Variants in LRMDA observed in about 807,000 individuals in gnomAD.
LRMDA encodes the protein leucine-rich melanocyte differentiation-associated protein.
LRMDA carries 18 observed loss-of-function variants against 29.8 expected under a neutral mutation model. The observed-to-expected ratio is 0.60, with a 90% CI of 0.42 to 0.90. The LOEUF (loss-of-function observed/expected upper bound fraction) is 0.90. Ranked by LOEUF, LRMDA falls within the 40% of genes least tolerant of loss-of-function variation. LRMDA has a pLI of 0.00. For missense variants in LRMDA, 273 were observed against 273.9 expected, an observed-to-expected ratio of 1.00 and a Z score of 0.02; for synonymous variants, 125 against 109.4, an observed-to-expected ratio of 1.14 and a Z score of -0.89.
At chr10:76,392,247 A>G (rs1841731246) in intron 6 of LRMDA, among the ~76,000 whole-genome samples, 1 of 152,112 alleles carries the variant, frequency 6.6e-6, no homozygotes, top group African/African-American at 2.4e-5. Flanking sequence ...GAAAAGACAG[A>G]GTTGGAAGGC....
chr10:75,705,355 G>A (rs1414650958), intron 2 of LRMDA, among the ~76,000 whole-genome samples: 1 of 152,226 alleles, frequency 6.6e-6, no homozygotes, highest in African/African-American at 2.4e-5. Context: ...GGGCAGTTGG[G>A]TGAGGAAAGG....
intron 2 of LRMDA, among the ~76,000 whole-genome samples, chr10:75,587,545 G>C (rs1462568155): frequency 2.6e-5 from 4 of 152,150 alleles, no homozygotes; most frequent in African/African-American, 9.7e-5. Flanking sequence ...TTATAAAATG[G>C]ATAGACTAAA....
chr10:75,890,968 G>T (rs1845476681), intron 2 of LRMDA, among the ~76,000 whole-genome samples: 1 of 152,126 alleles, frequency 6.6e-6, no homozygotes, highest in South Asian at 2.1e-4. Flanking sequence ...GTTGGCCATG[G>T]TGGCATATGC....
At chr10:76,545,636 C>CTTT (rs1322925697) in intron 6 of LRMDA, among the ~76,000 whole-genome samples, 7 of 87,250 alleles carry the variant, frequency 8.0e-5, no homozygotes, top group South Asian at 3.9e-4. Context: ...CTGGAACAAC[C>CTTT]TTTTATTATT....
At chr10:76,434,722 AAG>A (rs1842227863) in intron 6 of LRMDA, among the ~76,000 whole-genome samples, 1 of 152,204 alleles carries the variant, frequency 6.6e-6, no homozygotes, top group African/African-American at 2.4e-5. Context: ...TCCATCTTCA[AAG>A]AGCTCACCAT....
intron 6 of LRMDA, among the ~76,000 whole-genome samples, chr10:76,377,777 A>G (rs559536636): frequency 5.3e-5 from 8 of 152,208 alleles, no homozygotes; most frequent in African/African-American, 1.9e-4. Flanking sequence ...TTTGGTTTCA[A>G]TTGTTTTGTA....
chr10:75,505,760 C>T (rs1372172372), intron 2 of LRMDA, among the ~76,000 whole-genome samples: 1 of 152,172 alleles, frequency 6.6e-6, no homozygotes, highest in Non-Finnish European at 1.5e-5. Flanking sequence ...ACTCCAGCTG[C>T]TCCTTTAGGT....
At chr10:75,519,687 G>A (rs1009978148) in intron 2 of LRMDA, among the ~76,000 whole-genome samples, 3 of 152,162 alleles carry the variant, frequency 2.0e-5, no homozygotes, top group African/African-American at 7.2e-5. Flanking sequence ...TACATTTAAG[G>A]TTAATATTGT....
intron 2 of LRMDA, among the ~76,000 whole-genome samples, chr10:76,001,201 G>A (rs1432363615): frequency 2.0e-5 from 3 of 152,124 alleles, no homozygotes; most frequent in East Asian, 3.9e-4. Context: ...GTCTGAGAAC[G>A]CAGGTCAGTC....
intron 2 of LRMDA, among the ~76,000 whole-genome samples, chr10:75,958,962 G>C (rs971344560): frequency 6.6e-6 from 1 of 152,108 alleles, no homozygotes; most frequent in Admixed American, 6.5e-5. Context: ...TTACTACCGC[G>C]AGAACAGTAT....
Position 75,819,471 on chromosome 10 carries a change from G to A in LRMDA, c.132-216537G>A, listed in dbSNP as rs146900380. Among the ~76,000 whole-genome samples, 9 of 152,232 alleles carry A rather than the reference G, an allele frequency of 5.9e-5. No homozygotes were observed. The East Asian group carries it at 1.7e-3, about 29-fold the overall frequency. On this transcript the variant is annotated intron_variant, in intron 2 of 6. Coordinates refer to ENST00000611255, the MANE Select transcript of LRMDA (RefSeq NM_001305581.2). ...AATGAAAATATTTCTTTTTGGTAGG[G>A]GAAATGCTTCTAGAGTTCAATTGCT...
intron 5 of LRMDA, among the ~76,000 whole-genome samples, chr10:76,133,792 T>C (rs1850043507): frequency 6.6e-6 from 1 of 151,968 alleles, no homozygotes; most frequent in Non-Finnish European, 1.5e-5. Flanking sequence ...TTATACATCT[T>C]ATCTCTGCCA....
chr10:75,449,208 A>G (rs1844431513), intron 2 of LRMDA, among the ~76,000 whole-genome samples: 1 of 151,974 alleles, frequency 6.6e-6, no homozygotes, highest in Non-Finnish European at 1.5e-5. Context: ...ATTATCAAGT[A>G]TACACTACAT....
At chr10:75,682,434 G>T (rs915823374) in intron 2 of LRMDA, among the ~76,000 whole-genome samples, 2 of 150,050 alleles carry the variant, frequency 1.3e-5, no homozygotes, top group Admixed American at 6.6e-5. Flanking sequence ...TGTGTGTGGG[G>T]GTGTGTGTGT....
At chr10:76,322,357 A>C (rs1039810825) in intron 5 of LRMDA, among the ~76,000 whole-genome samples, 1 of 152,184 alleles carries the variant, frequency 6.6e-6, no homozygotes, top group Non-Finnish European at 1.5e-5. Flanking sequence ...TTGTTTTCCT[A>C]AACATCCAGC....
intron 2 of LRMDA, among the ~76,000 whole-genome samples, chr10:75,499,711 GAC>G (rs1245585118): frequency 1.3e-5 from 2 of 152,202 alleles, no homozygotes; most frequent in Non-Finnish European, 2.9e-5. Context: ...AGCCTCCTCT[GAC>G]ACAGTGTGTG....
At chr10:76,028,987 T>C (rs1189011937) in intron 2 of LRMDA, among the ~76,000 whole-genome samples, 2 of 152,270 alleles carry the variant, frequency 1.3e-5, no homozygotes, top group African/African-American at 4.8e-5. Flanking sequence ...CAGCTAATTT[T>C]TGTATTTTTA....
intron 2 of LRMDA, among the ~76,000 whole-genome samples, chr10:75,636,829 C>T (rs916822719): frequency 2.6e-5 from 4 of 151,950 alleles, no homozygotes; most frequent in Admixed American, 6.6e-5. Context: ...TCTTCTAAGA[C>T]CAGAATTGGC....
intron 2 of LRMDA, among the ~76,000 whole-genome samples, chr10:75,760,872 G>A (rs559054860): frequency 4.6e-4 from 70 of 152,356 alleles, no homozygotes; most frequent in African/African-American, 1.6e-3. Flanking sequence ...TGAGAGATCT[G>A]TGTGGACTTG....
Sources: allele counts gnomAD v4.1 joint callset (sites outside exome capture counted in the v4.1 genomes callset), GRCh38; gene constraint gnomAD v4.1.1; transcripts MANE v1.5; gene names NCBI Gene and HGNC (gene_info 2026-07-23, HGNC 2026-07-21).